The following CDC14B variants were observed in gnomAD, a reference collection of about 807,000 sequenced individuals.
CDC14B encodes cell division cycle 14B.
Under a neutral mutation model 64.2 loss-of-function variants are expected in CDC14B, and 22 were observed. That is an observed-to-expected ratio of 0.34 (90% CI 0.24 to 0.49). The LOEUF is 0.49. Among genes scored for constraint, CDC14B ranks in the 20% least tolerant of loss-of-function variants. The pLI is 0.99. For synonymous variants in CDC14B, 191 were observed against 215.8 expected (o/e 0.89, Z 1.01); for missense variants, 498 against 629.9 (o/e 0.79, Z 2.24).
intron 1 of CDC14B, among the ~76,000 whole-genome samples, chr9:96,593,492 A>G (rs1353863678): frequency 6.6e-6 from 1 of 151,958 alleles, no homozygotes; most frequent in Non-Finnish European, 1.5e-5. Context: ...GTCTCAAAAA[A>G]AAAAAAAAAA....
intron 1 of CDC14B, among the ~76,000 whole-genome samples, chr9:96,593,201 T>TA (rs745540099): frequency 2.5e-4 from 38 of 151,988 alleles, no homozygotes; most frequent in Non-Finnish European, 4.4e-4. Context: ...CAAAAAGCCA[T>TA]ACTATAGCCA....
chr9:96,496,357 T>C (rs1452101430), downstream of CDC14B: 1 of 513,690 alleles, frequency 1.9e-6, no homozygotes, highest in South Asian at 1.4e-5. Context: ...CAGCCAACCA[T>C]CGCTGGAAAA....
Position 96,617,294 on chromosome 9 carries a change from G to A in CDC14B, c.160+1925C>T, listed in dbSNP as rs529757641. Among the ~76,000 whole-genome samples the A allele has an allele frequency of 4.6e-5, 7 of 151,848 alleles. No homozygotes were observed. In the South Asian group the frequency reaches 8.3e-4, roughly 18 times the overall value. On this transcript the variant is annotated intron_variant, in intron 1 of 13. Transcript: ENST00000375241. ...GTTGATTAATTGGTGACTGCCTCAC[G>A]AAGACTAGCCACATATTTCATCTCC...
chr9:96,509,635 G>C (rs750967563), intron 13 of CDC14B, 38 bp downstream of exon 13: 1 of 1,268,266 alleles, frequency 7.9e-7, no homozygotes, highest in South Asian at 1.2e-5. Flanking sequence ...GAAAACAAAC[G>C]CTTGCAACTT....
At chr9:96,567,082 G>T in intron 1 of CDC14B, 2 of 891,882 alleles carry the variant, frequency 2.2e-6, no homozygotes, top group Non-Finnish European at 3.2e-6. Flanking sequence ...CTTTCCCCCC[G>T]CCTGGCCGCC....
intron 1 of CDC14B, among the ~76,000 whole-genome samples, chr9:96,603,937 A>C (rs965423535): frequency 2.0e-5 from 3 of 152,220 alleles, no homozygotes; most frequent in Non-Finnish European, 4.4e-5. Context: ...AAACCAGTAG[A>C]TCCACCTTGA....
intron 1 of CDC14B, among the ~76,000 whole-genome samples, chr9:96,610,756 A>G (rs1184773957): frequency 6.6e-6 from 1 of 152,168 alleles, no homozygotes; most frequent in African/African-American, 2.4e-5. Flanking sequence ...GAAAAACTGA[A>G]TATTACCAAA....
At chr9:96,503,925 C>T (rs1833781679) in intron 13 of CDC14B, 136 bp from the exon 14 acceptor site, 5 of 659,434 alleles carry the variant, frequency 7.6e-6, no homozygotes, top group Middle Eastern at 2.5e-4. Flanking sequence ...TTTCTAATGA[C>T]AAATACTTTG....
intron 4 of CDC14B, among the ~76,000 whole-genome samples, chr9:96,561,711 T>C (rs1843232485): frequency 1.3e-5 from 2 of 151,748 alleles, no homozygotes; most frequent in Non-Finnish European, 2.9e-5. Context: ...ATGGTCTCGA[T>C]CTCCTGACCT....
At chr9:96,553,787 A>G (rs1262962587) in intron 4 of CDC14B, among the ~76,000 whole-genome samples, 2 of 152,110 alleles carry the variant, frequency 1.3e-5, no homozygotes, top group Non-Finnish European at 2.9e-5. Flanking sequence ...CTCTTCTAAC[A>G]CTTACCAGAT....
intron 1 of CDC14B, among the ~76,000 whole-genome samples, chr9:96,574,697 CAAA>C (rs57056796): frequency 2.4e-4 from 12 of 49,962 alleles, no homozygotes; most frequent in African/African-American, 9.2e-4. Context: ...CTCGGTCTCA[CAAA>C]AAAAAAAAAA....
At chr9:96,553,365 T>C (rs181868327) in intron 4 of CDC14B, among the ~76,000 whole-genome samples, 4,047 of 150,984 alleles carry the variant, frequency 0.027, 64 homozygotes, top group South Asian at 0.037. Context: ...CTTTTCTTTT[T>C]TTTTTTTTTT....
intron 2 of CDC14B, 131 bp from the exon 3 acceptor site, chr9:96,564,983 A>C: frequency 1.7e-6 from 1 of 585,764 alleles, no homozygotes; most frequent in South Asian, 2.4e-5. Context: ...ATACAACTTA[A>C]AGGTACTGTT....
At chr9:96,567,153 C>T in intron 1 of CDC14B, 1 of 417,038 alleles carries the variant, frequency 2.4e-6, no homozygotes, top group Non-Finnish European at 4.3e-6. Flanking sequence ...TCCTCCAGTG[C>T]CCAAACGCTC....
chr9:96,508,550 T>C (rs563606526), intron 13 of CDC14B, among the ~76,000 whole-genome samples: 223 of 152,354 alleles, frequency 1.5e-3, no homozygotes, highest in African/African-American at 5.2e-3. Flanking sequence ...AATAGGAATA[T>C]TTGGTACATT....
chr9:96,606,332 CAA>C (rs772460843), intron 1 of CDC14B, among the ~76,000 whole-genome samples: 40 of 21,042 alleles, frequency 1.9e-3, no homozygotes, highest in African/African-American at 3.4e-3. Flanking sequence ...GACTCCATCT[CAA>C]AAAAAAAAAA....
At chr9:96,528,203 T>C (rs1400280177) in intron 9 of CDC14B, among the ~76,000 whole-genome samples, 1 of 152,180 alleles carries the variant, frequency 6.6e-6, no homozygotes, top group Non-Finnish European at 1.5e-5. Context: ...GAAACCTGGA[T>C]TGCTTCCACC....
chr9:96,605,474 T>C (rs1588068839), intron 1 of CDC14B, among the ~76,000 whole-genome samples: 1 of 152,188 alleles, frequency 6.6e-6, no homozygotes, highest in South Asian at 2.1e-4. Context: ...GCTCCCAGGG[T>C]TCCCCTGCGG....
chr9:96,605,526 A>C (rs1846836332), intron 1 of CDC14B, among the ~76,000 whole-genome samples: 1 of 152,126 alleles, frequency 6.6e-6, no homozygotes, highest in South Asian at 2.1e-4. Context: ...CCTGATAATG[A>C]GCTATTTGTG....
Sources: gnomAD v4.1 joint callset for allele counts (sites outside exome capture counted in the v4.1 genomes callset) on GRCh38, gnomAD v4.1.1 for gene constraint, MANE v1.5 for transcripts, NCBI Gene and HGNC (gene_info 2026-07-23, HGNC 2026-07-21) for gene names.